The following NHERF2 variants were observed in gnomAD, a reference collection of about 807,000 sequenced individuals.
NHERF2 encodes the protein Na(+)/H(+) exchange regulatory cofactor NHE-RF2.
the NHERF2 span, chr16:2,033,190 C>T: frequency 6.9e-7 from 1 of 1,452,324 alleles, no homozygotes; most frequent in Non-Finnish European, 9.1e-7. Context: ...GCTCAGTCAT[C>T]ACCCTGCTCC....
chr16:2,037,420 G>A, the NHERF2 span: 26 of 999,640 alleles, frequency 2.6e-5, no homozygotes, highest in East Asian at 1.0e-4. Flanking sequence ...CCAGAGGCCC[G>A]AGGCCCCCTG....
At chr16:2,037,277 C>T in the NHERF2 span, among the ~76,000 whole-genome samples, 1 of 152,172 alleles carries the variant, frequency 6.6e-6, no homozygotes, top group Non-Finnish European at 1.5e-5. Context: ...AGGGAGCTGG[C>T]GGTGGCCTCA....
the NHERF2 span, among the ~76,000 whole-genome samples, chr16:2,029,205 A>G: frequency 1.4e-4 from 21 of 152,358 alleles, no homozygotes; most frequent in Middle Eastern, 3.4e-3. Flanking sequence ...ATGCGCGCAC[A>G]GGGACAGGCA....
chr16:2,037,584 C>T, the NHERF2 span: 38 of 1,612,738 alleles, frequency 2.4e-5, no homozygotes, highest in Non-Finnish European at 3.1e-5. Context: ...CTGCCTGGTT[C>T]CGACAAGGAC....
the NHERF2 span, chr16:2,038,728 G>C: frequency 5.5e-6 from 1 of 182,444 alleles, no homozygotes; most frequent in Non-Finnish European, 1.1e-5. Context: ...TGGGCTCTCC[G>C]AGGGGCCTGA....
chr16:2,037,288 C>G, the NHERF2 span, among the ~76,000 whole-genome samples: 1 of 152,178 alleles, frequency 6.6e-6, no homozygotes, highest in Non-Finnish European at 1.5e-5. Context: ...GGTGGCCTCA[C>G]CCCAGGCGTT....
chr16:2,035,044 A>G, the NHERF2 span, among the ~76,000 whole-genome samples: 1 of 152,080 alleles, frequency 6.6e-6, no homozygotes. Context: ...CCAGGGAGCC[A>G]CAGGCTTGTC....
At chr16:2,038,129 A>C in the NHERF2 span, 1 of 1,010,392 alleles carries the variant, frequency 9.9e-7, no homozygotes. Flanking sequence ...GTGAGCCCCC[A>C]TCCTGCCCCT....
At chr16:2,031,372 C>T in the NHERF2 span, among the ~76,000 whole-genome samples, 2 of 152,194 alleles carry the variant, frequency 1.3e-5, no homozygotes, top group African/African-American at 4.8e-5. Context: ...TCCCTCTTTC[C>T]CAGCCACCTT....
the NHERF2 span, chr16:2,027,302 G>A: frequency 2.5e-6 from 2 of 812,410 alleles, no homozygotes; most frequent in Non-Finnish European, 3.3e-6. Flanking sequence ...ACGGGGGCCC[G>A]AGGGGGCTCC....
chr16:2,032,036 T>C, the NHERF2 span, among the ~76,000 whole-genome samples: 3 of 145,678 alleles, frequency 2.1e-5, no homozygotes, highest in Non-Finnish European at 4.6e-5. The surrounding 1 kb of genome is among the most constrained non-coding windows in gnomAD (Gnocchi z 4.0). Context: ...TTTTTTTTTT[T>C]TGAGACGGAG....
chr16:2,027,555 G>A, the NHERF2 span, among the ~76,000 whole-genome samples: 1 of 152,274 alleles, frequency 6.6e-6, no homozygotes, highest in African/African-American at 2.4e-5. Flanking sequence ...TTTTGCCTGG[G>A]TGTGTGTGTA....
the NHERF2 span, chr16:2,027,032 G>A: frequency 3.2e-6 from 4 of 1,234,668 alleles, no homozygotes; most frequent in Non-Finnish European, 4.1e-6. Context: ...CGCTGCGGCC[G>A]CGCCTGTGCC....
the NHERF2 span, among the ~76,000 whole-genome samples, chr16:2,037,349 C>T: frequency 1.3e-5 from 2 of 152,174 alleles, no homozygotes; most frequent in Non-Finnish European, 2.9e-5. Flanking sequence ...CATGAGCCGG[C>T]CAGGCCACCT....
chr16:2,027,315 C>T, the NHERF2 span: 2 of 625,386 alleles, frequency 3.2e-6, no homozygotes, highest in Non-Finnish European at 4.5e-6. Flanking sequence ...GGGGCTCCCG[C>T]GGGGAGGACG....
At chr16:2,028,448 G>T in the NHERF2 span, among the ~76,000 whole-genome samples, 1 of 152,194 alleles carries the variant, frequency 6.6e-6, no homozygotes, top group Non-Finnish European at 1.5e-5. Context: ...GGCCCTGTGG[G>T]GCTGGTCTCT....
At chr16:2,036,704 G>T in the NHERF2 span, 32 of 1,608,688 alleles carry the variant, frequency 2.0e-5, no homozygotes, top group East Asian at 5.4e-4. Flanking sequence ...CCATGGCGGG[G>T]CTGATACATG....
At chr16:2,036,758 C>A in the NHERF2 span, 1 of 1,613,256 alleles carries the variant, frequency 6.2e-7, no homozygotes. Flanking sequence ...GGGACTGCGC[C>A]ATGCTGAGGT....
the NHERF2 span, among the ~76,000 whole-genome samples, chr16:2,028,179 G>T: frequency 6.6e-6 from 1 of 152,222 alleles, no homozygotes; most frequent in South Asian, 2.1e-4. Flanking sequence ...GCTGGTCCTG[G>T]AACCTAGAGA....
Sources: allele counts gnomAD v4.1 joint callset (sites outside exome capture counted in the v4.1 genomes callset), GRCh38; gene constraint gnomAD v4.1.1; non-coding constraint Gnocchi (gnomAD v3.1); transcripts MANE v1.5; gene names NCBI Gene and HGNC (gene_info 2026-07-23, HGNC 2026-07-21).